The following RAP1A variants were observed in gnomAD, a reference collection of about 807,000 sequenced individuals.
RAP1A encodes ras-related protein Rap-1A.
In RAP1A, 6 loss-of-function variants were observed where a neutral mutation model predicts 26.4. That is an observed-to-expected ratio of 0.23 (90% CI 0.12 to 0.45). The LOEUF (loss-of-function observed/expected upper bound fraction) is 0.45. Ranked by LOEUF, RAP1A falls within the 20% of genes least tolerant of loss-of-function variation. The pLI, the probability that RAP1A is intolerant of heterozygous loss-of-function variation, is 0.99. For missense variants in RAP1A, 121 were observed against 217.2 expected, an observed-to-expected ratio of 0.56 and a Z score of 2.78; for synonymous variants, 73 against 79.4, an observed-to-expected ratio of 0.92 and a Z score of 0.43.
intron 1 of RAP1A, among the ~76,000 whole-genome samples, chr1:111,641,465 T>C (rs1401620528): frequency 2.6e-5 from 4 of 152,222 alleles, no homozygotes; most frequent in Admixed American, 2.6e-4. Flanking sequence ...CTTAATTAAT[T>C]GGTCATAATG....
intron 1 of RAP1A, chr1:111,650,298 CAA>C (rs1660224188): frequency 6.6e-6 from 1 of 151,946 alleles, no homozygotes; most frequent in African/African-American, 2.4e-5. Flanking sequence ...TCTCCTATAT[CAA>C]AGAGTTTCTA....
intron 1 of RAP1A, among the ~76,000 whole-genome samples, chr1:111,688,483 C>A (rs761871850): frequency 4.9e-4 from 75 of 151,958 alleles, no homozygotes; most frequent in Admixed American, 9.2e-4. Context: ...CCACGCCCAG[C>A]TAATTTTTTG....
rs191764638 is a variant in RAP1A at position 111,612,714 on chromosome 1, G to A, written c.-28+70205G>A. Among the ~76,000 whole-genome samples, 326 of 152,202 alleles carry A rather than the reference G, an allele frequency of 2.1e-3. 1 individual carries two copies. Among genetic ancestry groups the A allele is most frequent in the Non-Finnish European group, 5.0e-4 (34 of 68,002 alleles). ...TCATCTTTTAACAATGTGAATAACC[G>A]AAAAGTAATTGTCTATTTACAAACC... is the stretch of plus-strand genomic sequence containing the variant. On this transcript the variant is annotated intron_variant, in intron 1 of 7. Coordinates refer to the RAP1A transcript ENST00000356415.
chr1:111,687,212 T>C (rs1748890), intron 1 of RAP1A, among the ~76,000 whole-genome samples: 246 of 126,022 alleles, frequency 2.0e-3, no homozygotes, highest in South Asian at 4.9e-3. Flanking sequence ...AGTTGAATTT[T>C]TTTTTTTTTT....
chr1:111,560,897 T>A (rs547000653), intron 1 of RAP1A, among the ~76,000 whole-genome samples: 6 of 152,308 alleles, frequency 3.9e-5, no homozygotes, highest in African/African-American at 1.4e-4. Context: ...CTTCAGGACC[T>A]GTAGCCCAAT....
intron 1 of RAP1A, among the ~76,000 whole-genome samples, chr1:111,574,245 T>C (rs1658104855): frequency 6.6e-6 from 1 of 152,226 alleles, no homozygotes; most frequent in African/African-American, 2.4e-5. Flanking sequence ...TTTGTCAGCT[T>C]TGTCGAAGAT....
At chr1:111,652,838 A>G (rs1660317553) in intron 1 of RAP1A, among the ~76,000 whole-genome samples, 1 of 152,154 alleles carries the variant, frequency 6.6e-6, no homozygotes, top group Admixed American at 6.5e-5. Context: ...AACATATGCT[A>G]AAGAGATGCA....
At chr1:111,663,119 G>A (rs920201396) in intron 1 of RAP1A, among the ~76,000 whole-genome samples, 3 of 152,048 alleles carry the variant, frequency 2.0e-5, no homozygotes, top group Non-Finnish European at 4.4e-5. Context: ...TCACCATGTT[G>A]GCCAGGATGG....
chr1:111,661,817 A>AT (rs1553221872), intron 1 of RAP1A, among the ~76,000 whole-genome samples: 1 of 149,432 alleles, frequency 6.7e-6, no homozygotes, highest in Non-Finnish European at 1.5e-5. Context: ...AAAAAAAAAA[A>AT]GCAATTTCCA....
intron 1 of RAP1A, among the ~76,000 whole-genome samples, chr1:111,655,208 A>C (rs1297866901): frequency 6.6e-6 from 1 of 151,666 alleles, no homozygotes; most frequent in African/African-American, 2.4e-5. Context: ...TGACCATGGG[A>C]AACATAGATT....
intron 1 of RAP1A, among the ~76,000 whole-genome samples, chr1:111,542,696 GTT>G (rs66509119): frequency 2.0e-5 from 3 of 150,176 alleles, no homozygotes; most frequent in Admixed American, 2.0e-4. Flanking sequence ...TTTTGTTTTT[GTT>G]TTTTTTTTCT....
At chr1:111,552,949 TA>T (rs1657328933) in intron 1 of RAP1A, among the ~76,000 whole-genome samples, 1 of 152,236 alleles carries the variant, frequency 6.6e-6, no homozygotes, top group African/African-American at 2.4e-5. Flanking sequence ...CTAAATTTAT[TA>T]AGATTATATA....
intron 7 of RAP1A, among the ~76,000 whole-genome samples, chr1:111,711,682 A>G (rs1662389828): frequency 6.6e-6 from 1 of 152,240 alleles, no homozygotes; most frequent in Non-Finnish European, 1.5e-5. Context: ...TGTACTTTTA[A>G]AAGTACTGAG....
intron 1 of RAP1A, among the ~76,000 whole-genome samples, chr1:111,593,230 C>G (rs564026146): frequency 6.6e-6 from 1 of 152,262 alleles, no homozygotes; most frequent in South Asian, 2.1e-4. Flanking sequence ...GACAAGTCGC[C>G]TAACTGCCGT....
In RAP1A at chr1:111,706,621, A is replaced by G. The variant is rs1273142083; in HGVS notation, c.468+2135A>G. On this transcript the variant is annotated intron_variant, in intron 6 of 7. Coordinates refer to ENST00000369709, the MANE Select transcript of RAP1A (RefSeq NM_002884.4). ...GGAATCAAGACAACCCAATTTAGGA[A>G]TGGGAGAGGGATTGAGAAACTCTAT... 5 of 745,560 alleles carry G rather than the reference A, an allele frequency of 6.7e-6. No individual in the cohort carries two copies. In the East Asian group the frequency reaches 5.2e-4, roughly 77 times the overall value. 46.2% of individuals were successfully genotyped at this position (745,560 alleles called of 1,614,324 possible).
intron 1 of RAP1A, among the ~76,000 whole-genome samples, chr1:111,682,267 C>A (rs1237594131): frequency 6.6e-6 from 1 of 152,134 alleles, no homozygotes. Flanking sequence ...ACCAATGAAG[C>A]TATGAAGAAA....
At chr1:111,708,012 C>T (rs1397150203) in intron 6 of RAP1A, among the ~76,000 whole-genome samples, 1 of 152,034 alleles carries the variant, frequency 6.6e-6, no homozygotes, top group Non-Finnish European at 1.5e-5. Context: ...CTTGTCTGTA[C>T]GAAAAATACA....
chr1:111,648,714 C>A (rs1312137494), intron 1 of RAP1A: 2 of 579,640 alleles, frequency 3.5e-6, no homozygotes, highest in Non-Finnish European at 3.3e-6. Context: ...CTTAGCCTCT[C>A]CAGCCTCAGC....
chr1:111,542,783 G>T (rs1416534861), intron 1 of RAP1A, among the ~76,000 whole-genome samples: 1 of 151,766 alleles, frequency 6.6e-6, no homozygotes, highest in African/African-American at 2.4e-5. Flanking sequence ...TGAAACCTCC[G>T]CCTCCCGGGT....
Sources: allele counts gnomAD v4.1 joint callset (sites outside exome capture counted in the v4.1 genomes callset), GRCh38; gene constraint gnomAD v4.1.1; transcripts MANE v1.5; gene names NCBI Gene and HGNC (gene_info 2026-07-23, HGNC 2026-07-21).